The following VSNL1 variants were observed in gnomAD, a reference collection of about 807,000 sequenced individuals.
VSNL1 encodes the protein visinin-like protein 1.
In VSNL1, 6 loss-of-function variants were observed where a neutral mutation model predicts 20.4. The observed-to-expected ratio is 0.29, with a 90% CI of 0.16 to 0.58. The LOEUF is 0.58. Among genes scored for constraint, VSNL1 ranks in the 20% least tolerant of loss-of-function variants. The pLI, the probability that VSNL1 is intolerant of heterozygous loss-of-function variation, is 0.90. For synonymous variants in VSNL1, 93 were observed against 86.4 expected (o/e 1.08, Z -0.42); for missense variants, 100 against 234.5 (o/e 0.43, Z 3.75).
At chr2:17,631,986 A>C (rs1665642679) in intron 2 of VSNL1, among the ~76,000 whole-genome samples, 1 of 152,176 alleles carries the variant, frequency 6.6e-6, no homozygotes, top group South Asian at 2.1e-4. Context: ...TCCCGGGTTC[A>C]AGTAATTCTC....
chr2:17,581,886 G>A (rs1347730490), intron 1 of VSNL1, among the ~76,000 whole-genome samples: 1 of 152,194 alleles, frequency 6.6e-6, no homozygotes, highest in Non-Finnish European at 1.5e-5. Flanking sequence ...CTAGTGCTGA[G>A]GTGAAGTGGA....
At chr2:17,622,578 AAGAAAGAAAGAAAGAAAGAAAG>A (rs1665402526) in intron 2 of VSNL1, among the ~76,000 whole-genome samples, 1 of 140,720 alleles carries the variant, frequency 7.1e-6, no homozygotes, top group Non-Finnish European at 1.6e-5. Flanking sequence ...GAAAGAAAGA[AAGAAAGAAAGAAAGAAAGAAAG>A]AAAAGAAAGA....
intron 1 of VSNL1, among the ~76,000 whole-genome samples, chr2:17,586,251 C>T (rs891259982): frequency 2.0e-4 from 31 of 152,164 alleles, no homozygotes; most frequent in Non-Finnish European, 3.8e-4. Flanking sequence ...TCATGTACTT[C>T]GATTTTTATT....
chr2:17,630,682 A>G (rs542775645), intron 2 of VSNL1, among the ~76,000 whole-genome samples: 1 of 152,364 alleles, frequency 6.6e-6, no homozygotes, highest in East Asian at 1.9e-4. Flanking sequence ...CTATGCCGTT[A>G]ACAGAGGAAT....
Position 17,634,814 on chromosome 2 carries a change from T to G in VSNL1, c.163-14596T>G, listed in dbSNP as rs550488885. ...TCGTGCTCTGGTGCTGCTTCCACTT[T>G]CTCCTGGAACCCCTCAAACCCCAGC... On this transcript the variant is annotated intron_variant, in intron 2 of 3. Coordinates refer to ENST00000295156, the MANE Select transcript of VSNL1 (RefSeq NM_003385.5). This position sits in a 1 kb window ranked among gnomAD's most constrained non-coding sequence, Gnocchi z 4.3. Among the ~76,000 whole-genome samples the G allele has an allele frequency of 4.4e-4, 67 of 152,232 alleles. No homozygotes were observed. The highest frequency in any genetic ancestry group is 8.4e-4 in the Non-Finnish European group (57 of 68,008).
Position 17,592,058 on chromosome 2 carries a change from G to T in VSNL1, c.-5-12G>T. On this transcript the variant is annotated splice_polypyrimidine_tract_variant and intron_variant, in intron 1 of 3. Transcript: ENST00000295156. Reference sequence around the variant, plus strand: ...GCCACAGCGCTAATTGAATTAATTTGCTTTTCTTCAGGCAGGATGGGGAAG... The same window carrying T: ...GCCACAGCGCTAATTGAATTAATTTTCTTTTCTTCAGGCAGGATGGGGAAG... 1 of 1,613,442 alleles carries T rather than the reference G, an allele frequency of 6.2e-7. No homozygotes were observed.
intron 1 of VSNL1, among the ~76,000 whole-genome samples, chr2:17,556,838 A>C (rs1663691214): frequency 6.6e-6 from 1 of 152,178 alleles, no homozygotes; most frequent in South Asian, 2.1e-4. Flanking sequence ...TAAGAGATGG[A>C]ATAGGAAGGT....
chr2:17,632,562 G>C lies in VSNL1; in HGVS notation c.163-16848G>C, dbSNP rs543761355. On this transcript the variant is annotated intron_variant, in intron 2 of 3. Transcript: ENST00000295156. ...GATCTGCCCACCTTGGCCTCCAAAA[G>C]TGCTGGGATTACAGGCATGAGCCAC... Among the ~76,000 whole-genome samples, 104 of 152,116 alleles carry C rather than the reference G, an allele frequency of 6.8e-4. 3 individuals carry two copies. The South Asian group carries it at 0.02, about 30-fold the overall frequency.
At chr2:17,653,732 TTA>T (rs1366787916) in intron 3 of VSNL1, among the ~76,000 whole-genome samples, 1 of 152,232 alleles carries the variant, frequency 6.6e-6, no homozygotes, top group African/African-American at 2.4e-5. Context: ...AAAAACAACT[TTA>T]TGAGTTATAA....
chr2:17,645,682 G>A (rs1289938708), intron 2 of VSNL1, among the ~76,000 whole-genome samples: 1 of 152,146 alleles, frequency 6.6e-6, no homozygotes, highest in Non-Finnish European at 1.5e-5. Context: ...TGCAGAGTGG[G>A]GCCCACTGTC....
chr2:17,653,900 C>T (rs1328004022), intron 3 of VSNL1, among the ~76,000 whole-genome samples: 1 of 152,206 alleles, frequency 6.6e-6, no homozygotes, highest in African/African-American at 2.4e-5. Flanking sequence ...CCACCCCAGG[C>T]TCAGGCAACC....
intron 2 of VSNL1, among the ~76,000 whole-genome samples, chr2:17,633,159 T>C (rs139199405): frequency 2.6e-5 from 4 of 152,170 alleles, no homozygotes; most frequent in African/African-American, 9.6e-5. Flanking sequence ...AGAGAGCTTG[T>C]ACAGGGGAAC....
intron 1 of VSNL1, among the ~76,000 whole-genome samples, chr2:17,562,671 G>A (rs926537616): frequency 6.6e-6 from 1 of 152,196 alleles, no homozygotes; most frequent in Non-Finnish European, 1.5e-5. Context: ...GTGATTAAAA[G>A]AGGAGTTATT....
intron 1 of VSNL1, among the ~76,000 whole-genome samples, chr2:17,587,526 C>A (rs73919099): frequency 1.3e-5 from 2 of 152,034 alleles, no homozygotes; most frequent in Non-Finnish European, 2.9e-5. Context: ...TAGGAGCATT[C>A]TTAAATCCTC....
At chr2:17,616,052 G>T (rs1007847418) in intron 2 of VSNL1, among the ~76,000 whole-genome samples, 6 of 152,242 alleles carry the variant, frequency 3.9e-5, no homozygotes, top group Admixed American at 6.5e-5. Flanking sequence ...AGGAAAAACT[G>T]GGAAGGTGGA....
chr2:17,562,642 G>A (rs1161132607), intron 1 of VSNL1, among the ~76,000 whole-genome samples: 1 of 152,140 alleles, frequency 6.6e-6, no homozygotes, highest in Non-Finnish European at 1.5e-5. Flanking sequence ...TAAGGCAGAT[G>A]TACCTACCTC....
At chr2:17,645,834 G>A (rs1257536356) in intron 2 of VSNL1, among the ~76,000 whole-genome samples, 2 of 139,456 alleles carry the variant, frequency 1.4e-5, no homozygotes, top group Middle Eastern at 3.4e-3. Flanking sequence ...GACAGGGTAT[G>A]GAGTACAACC....
intron 1 of VSNL1, among the ~76,000 whole-genome samples, chr2:17,557,925 GC>G (rs1456035671): frequency 6.6e-6 from 1 of 151,560 alleles, no homozygotes; most frequent in Non-Finnish European, 1.5e-5. Context: ...CATTAGATAC[GC>G]CCAAGTGCTC....
chr2:17,639,635 A>G lies in VSNL1; in HGVS notation c.163-9775A>G, dbSNP rs569302896. On this transcript the variant is annotated intron_variant, in intron 2 of 3. Transcript: ENST00000295156. ...TAGTTTTCGTATTATTGGCTCATAC[A>G]CAGAACACAGCCTTGCTGAAACTAA... Among the ~76,000 whole-genome samples the G allele has an allele frequency of 6.6e-4, 101 of 152,368 alleles. 1 individual carries two copies. The highest frequency in any genetic ancestry group is 2.4e-3 in the African/African-American group (101 of 41,582).
Sources: allele counts gnomAD v4.1 joint callset (sites outside exome capture counted in the v4.1 genomes callset), GRCh38; gene constraint gnomAD v4.1.1; non-coding constraint Gnocchi (gnomAD v3.1); transcripts MANE v1.5; gene names NCBI Gene and HGNC (gene_info 2026-07-23, HGNC 2026-07-21).